The following NELL2 variants were observed in gnomAD, a reference collection of about 807,000 sequenced individuals.
NELL2 encodes the protein neural EGFL like 2, also known as protein kinase C-binding protein NELL2.
Under a neutral mutation model 109.6 loss-of-function variants are expected in NELL2, and 41 were observed. The ratio of observed to expected loss-of-function variants is 0.37; its 90% CI spans 0.29 to 0.49. NELL2 has a LOEUF of 0.49. Ranked by LOEUF, NELL2 falls within the 20% of genes least tolerant of loss-of-function variation. The pLI is 0.98. For synonymous variants in NELL2, 355 were observed against 344.7 expected (o/e 1.03, Z -0.33); for missense variants, 900 against 1,008.3 (o/e 0.89, Z 1.45).
At chr12:44,789,108 T>C (rs1942288583) in intron 3 of NELL2, among the ~76,000 whole-genome samples, 2 of 152,136 alleles carry the variant, frequency 1.3e-5, no homozygotes, top group South Asian at 4.1e-4. Flanking sequence ...TTGGGAGTTC[T>C]AGGGTCCTGC....
chr12:44,819,282 C>CAATG (rs1388972666), intron 2 of NELL2, among the ~76,000 whole-genome samples: 1 of 151,986 alleles, frequency 6.6e-6, no homozygotes, highest in Non-Finnish European at 1.5e-5. Flanking sequence ...ATGGTTGCTT[C>CAATG]AAGAAAGAAA....
intron 9 of NELL2, among the ~76,000 whole-genome samples, chr12:44,738,514 G>A (rs1020940436): frequency 1.5e-4 from 23 of 151,660 alleles, no homozygotes; most frequent in Non-Finnish European, 1.9e-4. Flanking sequence ...GAGACAAGAT[G>A]GATGAACCTG....
At chr12:44,652,639 A>C (rs1947343200) in intron 13 of NELL2, among the ~76,000 whole-genome samples, 1 of 152,244 alleles carries the variant, frequency 6.6e-6, no homozygotes. Context: ...TTTTAAATAC[A>C]GTTATGGACA....
upstream of NELL2, among the ~76,000 whole-genome samples, chr12:44,918,623 C>T (rs1945846861): frequency 6.6e-6 from 1 of 151,436 alleles, no homozygotes; most frequent in Non-Finnish European, 1.5e-5. Flanking sequence ...TTTCCATATT[C>T]GCACAGGCAA....
At chr12:44,682,775 T>C (rs2136374855) in intron 12 of NELL2, among the ~76,000 whole-genome samples, 1 of 152,346 alleles carries the variant, frequency 6.6e-6, no homozygotes, top group East Asian at 1.9e-4. Flanking sequence ...TCCATTGATC[T>C]ATATCTCTGT....
At chr12:44,912,967 T>C (rs1945796088) in intron 1 of NELL2, among the ~76,000 whole-genome samples, 1 of 152,176 alleles carries the variant, frequency 6.6e-6, no homozygotes, top group African/African-American at 2.4e-5. Context: ...ATTGTGACAG[T>C]CCCTAACTCA....
intron 19 of NELL2, among the ~76,000 whole-genome samples, chr12:44,514,975 T>G (rs1032605610): frequency 1.3e-5 from 2 of 150,928 alleles, no homozygotes; most frequent in Admixed American, 6.6e-5. Flanking sequence ...GGACAACAAA[T>G]ACAATAATAA....
At chr12:44,557,444 A>G (rs1293896770) in intron 15 of NELL2, among the ~76,000 whole-genome samples, 1 of 152,164 alleles carries the variant, frequency 6.6e-6, no homozygotes, top group Non-Finnish European at 1.5e-5. Context: ...GCTATATTAG[A>G]GAAAGGAAGA....
chr12:44,690,110 C>T (rs1028344024), intron 12 of NELL2, among the ~76,000 whole-genome samples: 2 of 152,240 alleles, frequency 1.3e-5, no homozygotes, highest in South Asian at 4.2e-4. Flanking sequence ...AAATTTGAGA[C>T]CCAACCCTGA....
chr12:44,732,627 C>T (rs1939428019), intron 9 of NELL2, among the ~76,000 whole-genome samples: 1 of 151,866 alleles, frequency 6.6e-6, no homozygotes, highest in Non-Finnish European at 1.5e-5. Flanking sequence ...AAAAAAATTT[C>T]ATAATATTGG....
rs763680242 is a variant in NELL2, at chr12:44,714,617, C to A, written c.1086+33G>T. The A allele has an allele frequency of 2.9e-6, 4 of 1,364,686 alleles. No homozygotes were observed. The Admixed American group carries it at 9.4e-5, about 32-fold the overall frequency. 84.5% of individuals were successfully genotyped at this position (1,364,686 alleles called of 1,614,324 possible). The stretch of plus-strand genomic sequence containing the variant: ...CTTTTATCTTGTTTATAAATAGAAA[C>A]AATTTTGAAAGACCCACGAATAGTC... On this transcript the variant is annotated intron_variant, in intron 10 of 19. Transcript: ENST00000429094.
At chr12:44,820,608 C>CAAA (rs11445797) in intron 2 of NELL2, among the ~76,000 whole-genome samples, 20 of 133,832 alleles carry the variant, frequency 1.5e-4, no homozygotes, top group South Asian at 9.7e-4. Context: ...GACTCCGTCT[C>CAAA]AAAAAAAAAA....
chr12:44,517,375 CT>C (rs1941319806), intron 19 of NELL2, among the ~76,000 whole-genome samples: 2 of 9,926 alleles, frequency 2.0e-4, no homozygotes, highest in Non-Finnish European at 3.3e-4. Flanking sequence ...ACTACTTTCT[CT>C]CTCTCTCTCT....
chr12:44,714,293 C>T (rs1166964465), intron 10 of NELL2, among the ~76,000 whole-genome samples: 2 of 151,842 alleles, frequency 1.3e-5, no homozygotes, highest in Admixed American at 1.3e-4. Context: ...TTGAACTGAG[C>T]AATACTTCTC....
chr12:44,553,586 T>G (rs1474685081), intron 15 of NELL2, among the ~76,000 whole-genome samples: 1 of 152,168 alleles, frequency 6.6e-6, no homozygotes, highest in African/African-American at 2.4e-5. Flanking sequence ...CTATGAACCA[T>G]GAATGCTTAA....
At chr12:44,581,643 A>AG (rs1213767244) in intron 15 of NELL2, among the ~76,000 whole-genome samples, 1 of 139,146 alleles carries the variant, frequency 7.2e-6, no homozygotes, top group Non-Finnish European at 1.5e-5. Flanking sequence ...AGAAAAAAAA[A>AG]TACATTCTTG....
At chr12:44,911,496 G>A (rs1227562637) in intron 1 of NELL2, among the ~76,000 whole-genome samples, 1 of 151,770 alleles carries the variant, frequency 6.6e-6, no homozygotes, top group African/African-American at 2.4e-5. Flanking sequence ...AATGGATAAA[G>A]CACTACAAAA....
chr12:44,865,826 T>TTAA (rs1555229823), intron 2 of NELL2, among the ~76,000 whole-genome samples: 9 of 142,486 alleles, frequency 6.3e-5, no homozygotes, highest in Admixed American at 3.5e-4. Flanking sequence ...AAAAAAAAAT[T>TTAA]AAAAAAAAAA....
chr12:44,900,306 T>A (rs1340383436), intron 1 of NELL2, among the ~76,000 whole-genome samples: 1 of 152,142 alleles, frequency 6.6e-6, no homozygotes, highest in Non-Finnish European at 1.5e-5. Context: ...CAATAGAATA[T>A]ACATTCTTCT....
Sources: allele counts gnomAD v4.1 joint callset (sites outside exome capture counted in the v4.1 genomes callset), GRCh38; gene constraint gnomAD v4.1.1; transcripts MANE v1.5; gene names NCBI Gene and HGNC (gene_info 2026-07-23, HGNC 2026-07-21).